Variants in ZEB1 observed in about 807,000 individuals in gnomAD.
ZEB1 encodes the protein zinc finger E-box binding homeobox 1.
Under a neutral mutation model 84.9 loss-of-function variants are expected in ZEB1, and 21 were observed. That is an observed-to-expected ratio of 0.25 (90% confidence interval 0.18 to 0.36). The LOEUF (loss-of-function observed/expected upper bound fraction) is 0.36. ZEB1 is among the 10% of genes least tolerant of loss of function. ZEB1 has a pLI of 1.00. For missense variants in ZEB1, 1,104 were observed against 1,330.2 expected, an observed-to-expected ratio of 0.83 and a Z score of 2.65; for synonymous variants, 420 against 471.1, an observed-to-expected ratio of 0.89 and a Z score of 1.41.
At chr10:31,426,388 A>T (rs2056929484) in intron 1 of ZEB1, among the ~76,000 whole-genome samples, 1 of 152,100 alleles carries the variant, frequency 6.6e-6, no homozygotes, top group African/African-American at 2.4e-5. Flanking sequence ...CAGTTTAGAG[A>T]ACTTCCTGTA....
At chr10:31,486,101 A>G (rs1205395139) in intron 2 of ZEB1, among the ~76,000 whole-genome samples, 4 of 151,798 alleles carry the variant, frequency 2.6e-5, no homozygotes, top group Admixed American at 2.6e-4. Flanking sequence ...ATTTCATTGT[A>G]TGGGTGTGCC....
intron 1 of ZEB1, among the ~76,000 whole-genome samples, chr10:31,379,815 C>T (rs1224076626): frequency 6.6e-6 from 1 of 151,886 alleles, no homozygotes; most frequent in Non-Finnish European, 1.5e-5. Context: ...AAAATTTTGC[C>T]ACATTTGCTT....
At chr10:31,392,154 G>A (rs556472562) in intron 1 of ZEB1, among the ~76,000 whole-genome samples, 1 of 152,206 alleles carries the variant, frequency 6.6e-6, no homozygotes, top group East Asian at 1.9e-4. Context: ...TGCCCTTTGA[G>A]TGGACTCTAC....
chr10:31,327,386 C>T (rs572119308), intron 1 of ZEB1, among the ~76,000 whole-genome samples: 8 of 152,298 alleles, frequency 5.3e-5, no homozygotes, highest in Admixed American at 5.2e-4. Context: ...GCTGGGATTA[C>T]AGGTGTGAGC....
At position 31,484,290 on chromosome 10, in the gene ZEB1, C is replaced by T. The variant is rs181436240; in HGVS notation, c.260-11486C>T. Reference sequence around the variant, plus strand: ...TAGGATGTGGACATCTTCATGGATGCCTTATTCTGCAGACCACAATGTAAA... The same window carrying T: ...TAGGATGTGGACATCTTCATGGATGTCTTATTCTGCAGACCACAATGTAAA... On this transcript the variant is annotated intron_variant, in intron 2 of 8. Transcript: ENST00000424869. Among the ~76,000 whole-genome samples the T allele has an allele frequency of 3.7e-3, 555 of 152,004 alleles. 3 individuals are homozygous for T. The highest frequency in any genetic ancestry group is 0.012 in the African/African-American group (516 of 41,494).
At chr10:31,522,989 C>T (rs899030179) in intron 7 of ZEB1, among the ~76,000 whole-genome samples, 5 of 152,202 alleles carry the variant, frequency 3.3e-5, no homozygotes, top group South Asian at 4.1e-4. Flanking sequence ...CATAGACTCA[C>T]GTGTCACGTG....
chr10:31,450,013 C>T (rs1246579727), intron 1 of ZEB1, among the ~76,000 whole-genome samples: 2 of 152,142 alleles, frequency 1.3e-5, no homozygotes, highest in East Asian at 3.8e-4. Context: ...TGATTTGAGC[C>T]AGGCAGTTAG....
intron 4 of ZEB1, among the ~76,000 whole-genome samples, chr10:31,507,902 G>A (rs1178947821): frequency 1.3e-5 from 2 of 151,716 alleles, no homozygotes. Context: ...CCTTTTTCAT[G>A]TTTCTTGTAT....
chr10:31,346,705 C>T (rs1196734942), intron 1 of ZEB1, among the ~76,000 whole-genome samples: 13 of 151,928 alleles, frequency 8.6e-5, no homozygotes, highest in African/African-American at 3.1e-4. Flanking sequence ...AAAATACCAC[C>T]GTTTTTTCGC....
intron 1 of ZEB1, among the ~76,000 whole-genome samples, chr10:31,428,913 T>G (rs2057334362): frequency 6.6e-6 from 1 of 152,214 alleles, no homozygotes; most frequent in Non-Finnish European, 1.5e-5. Context: ...TCCGTTAGCT[T>G]GGTAGATTTT....
intron 1 of ZEB1, among the ~76,000 whole-genome samples, chr10:31,358,802 T>C (rs2042527760): frequency 6.6e-6 from 1 of 152,238 alleles, no homozygotes; most frequent in African/African-American, 2.4e-5. Context: ...ATATATCTTA[T>C]TTCTTTCAGT....
chr10:31,372,090 T>C (rs796858255), intron 1 of ZEB1, among the ~76,000 whole-genome samples: 11 of 152,208 alleles, frequency 7.2e-5, no homozygotes, highest in African/African-American at 2.2e-4. Context: ...TTATAACTCA[T>C]CTGAGTCTTA....
In ZEB1 at chr10:31,529,534, A is replaced by G; in HGVS notation, c.*2270A>G. ...CATCATACCTCTGATACTATTATTT[A>G]TATTCCTTCCCCACTAGGAACAGGA... On this transcript the variant is annotated 3_prime_UTR_variant, in exon 9 of 9. Coordinates refer to ENST00000424869, the MANE Select transcript of ZEB1 (RefSeq NM_001174096.2). 6.6e-6 allele frequency: 1 copy of G among 152,286 alleles called. No homozygotes were observed. 9.4% of individuals were successfully genotyped at this position (152,286 alleles called of 1,614,324 possible). A position where few individuals can be genotyped will look rare whatever the true frequency, so the allele number is the denominator to read the frequency against.
At chr10:31,412,270 T>A (rs2135818145) in intron 1 of ZEB1, among the ~76,000 whole-genome samples, 1 of 152,352 alleles carries the variant, frequency 6.6e-6, no homozygotes, top group East Asian at 1.9e-4. Context: ...CCTCTTTTTT[T>A]ATTATTATAC....
At chr10:31,388,976 CT>C (rs1319121695) in intron 1 of ZEB1, among the ~76,000 whole-genome samples, 2 of 152,100 alleles carry the variant, frequency 1.3e-5, no homozygotes, top group South Asian at 2.1e-4. Context: ...AAACATACAC[CT>C]TTTTTAAAGT....
chr10:31,322,210 AATG>A (rs1334127793), intron 1 of ZEB1: 1 of 152,424 alleles, frequency 6.6e-6, no homozygotes, highest in Non-Finnish European at 1.5e-5. Flanking sequence ...GCAAATTAAA[AATG>A]AAGTTATATT....
At chr10:31,492,720 T>TA (rs2066702819) in intron 2 of ZEB1, among the ~76,000 whole-genome samples, 1 of 151,926 alleles carries the variant, frequency 6.6e-6, no homozygotes, top group Non-Finnish European at 1.5e-5. Context: ...TTTTTGAATT[T>TA]AACACATATG....
chr10:31,517,196 A>T (rs868087828), intron 6 of ZEB1, among the ~76,000 whole-genome samples: 45 of 152,042 alleles, frequency 3.0e-4, no homozygotes, highest in African/African-American at 1.1e-3. Flanking sequence ...TTTTGAAAAG[A>T]TGTTGAGAAT....
intron 1 of ZEB1, among the ~76,000 whole-genome samples, chr10:31,397,754 A>G (rs2051072079): frequency 6.6e-6 from 1 of 152,206 alleles, no homozygotes; most frequent in Non-Finnish European, 1.5e-5. Context: ...TTTAAAAAGG[A>G]GAATATGCAA....
Sources: gnomAD v4.1 joint callset for allele counts (sites outside exome capture counted in the v4.1 genomes callset) on GRCh38, gnomAD v4.1.1 for gene constraint, MANE v1.5 for transcripts, NCBI Gene and HGNC (gene_info 2026-07-23, HGNC 2026-07-21) for gene names.